RBL1: variants seen among roughly 807,000 people sequenced by gnomAD.
The protein encoded by RBL1 is retinoblastoma-like protein 1.
Under a neutral mutation model 123.0 loss-of-function variants are expected in RBL1, and 82 were observed. The ratio of observed to expected loss-of-function variants is 0.67; its 90% CI spans 0.56 to 0.80. The LOEUF is 0.80. Among genes scored for constraint, RBL1 ranks in the 30% least tolerant of loss-of-function variants. The probability of loss-of-function intolerance (pLI) is 0.00; values close to 1 mark genes in which losing one functional copy is unlikely to be tolerated. For missense variants in RBL1, 1,171 were observed against 1,299.6 expected (o/e 0.90, Z 1.52); for synonymous variants, 405 against 441.3 (o/e 0.92, Z 1.03).
At chr20:37,058,141 A>AAAAAAAAAAAAAAAAAAAAAAAAC (rs2065042134) in intron 9 of RBL1, among the ~76,000 whole-genome samples, 1 of 105,934 alleles carries the variant, frequency 9.4e-6, no homozygotes, top group Admixed American at 8.8e-5. Flanking sequence ...AAAACAAAAC[A>AAAAAAAAAAAAAAAAAAAAAAAAC]AAAAAAAAAA....
At position 37,061,165 on chromosome 20, in the gene RBL1, C is replaced by A. The variant is rs1436725963; in HGVS notation, c.1188G>T (p.Arg396=). ...TCAGACCAGCCACAATACTCTGTAA[C>A]CGGCTCACACTTTGGGTGGCTGATG... ...PVASATQSVS[R]LQSIVAGLKN... Residue 396 remains arginine, a synonymous_variant, in exon 9 of 22, where the codon CGG becomes CGT. Coordinates refer to ENST00000373664, the MANE Select transcript of RBL1 (RefSeq NM_002895.5). 1 of 1,613,688 alleles carries A rather than the reference C, an allele frequency of 6.2e-7. No individual in the cohort carries two copies. Among genetic ancestry groups the A allele is most frequent in the Non-Finnish European group, 8.5e-7 (1 of 1,179,812 alleles).
intron 12 of RBL1, among the ~76,000 whole-genome samples, chr20:37,045,085 T>C (rs6030965): frequency 0.13 from 9,243 of 72,638 alleles, 448 homozygotes; most frequent in African/African-American, 0.34. Flanking sequence ...TATTTACTTA[T>C]TTATTTATTT....
At chr20:37,045,210 G>A (rs547154780) in intron 12 of RBL1, among the ~76,000 whole-genome samples, 132 of 151,986 alleles carry the variant, frequency 8.7e-4, no homozygotes, top group Non-Finnish European at 1.7e-3. Context: ...AGGTTCAAGC[G>A]ATTCTCCTGC....
chr20:37,000,772 G>A (rs2063961044), intron 21 of RBL1, among the ~76,000 whole-genome samples: 1 of 141,390 alleles, frequency 7.1e-6, no homozygotes, highest in South Asian at 2.2e-4. Context: ...AGGGAGGCGG[G>A]GGGGTCAGCC....
intron 12 of RBL1, among the ~76,000 whole-genome samples, chr20:37,046,285 A>T (rs1026398294): frequency 6.6e-6 from 1 of 152,190 alleles, no homozygotes; most frequent in Admixed American, 6.5e-5. Flanking sequence ...TTCATTCATA[A>T]ATATGGAAAA....
rs548826945 is a variant in RBL1 at position 37,012,526 on chromosome 20, G to A, written c.2723-4967C>T. Among the ~76,000 whole-genome samples, 41 of 150,290 alleles carry A rather than the reference G, an allele frequency of 2.7e-4. No homozygotes were observed. In the East Asian group the frequency reaches 7.2e-3, roughly 26 times the overall value. ...CGCCTCTGCCCCGCCGCCCCGTCTGGGATGTGAGGAGCGCCTCTACCCGGC... is the reference window on the plus strand; with the variant it reads ...CGCCTCTGCCCCGCCGCCCCGTCTGAGATGTGAGGAGCGCCTCTACCCGGC... On this transcript the variant is annotated intron_variant, in intron 19 of 21. Coordinates refer to ENST00000373664, the MANE Select transcript of RBL1 (RefSeq NM_002895.5).
intron 17 of RBL1, among the ~76,000 whole-genome samples, chr20:37,021,208 A>G (rs765806606): frequency 6.6e-6 from 1 of 152,186 alleles, no homozygotes; most frequent in Admixed American, 6.5e-5. Flanking sequence ...TAATGCTTAG[A>G]CAGAAGTCAC....
chr20:36,998,431 T>G lies in RBL1; in HGVS notation c.*328A>C. Reference sequence around the variant, plus strand: ...TAGAGATGGGGTTTCTCCATGTTGGTCAGGCTGGTCTCGAACTCCTGACCT... The same window carrying G: ...TAGAGATGGGGTTTCTCCATGTTGGGCAGGCTGGTCTCGAACTCCTGACCT... On this transcript the variant is annotated 3_prime_UTR_variant, in exon 22 of 22. Transcript: ENST00000373664. The G allele has an allele frequency of 5.6e-6, 1 of 178,518 alleles. No individual in the cohort carries two copies. 11.1% of individuals were successfully genotyped at this position (178,518 alleles called of 1,614,324 possible). A position where few individuals can be genotyped will look rare whatever the true frequency, so the allele number is the denominator to read the frequency against.
chr20:37,032,866 A>T lies in RBL1; in HGVS notation c.2181T>A (p.Asn727Lys). Residue 727 changes from asparagine to lysine, a missense_variant, in exon 16 of 22, where the codon AAT (asparagine) becomes AAA (lysine). Asn to Lys is a moderately conservative substitution (Grantham distance 94). Transcript: ENST00000373664. ...GTATCAGTGTGATCTCTCCAGCATCATTTGCGACACCTGAATGTATAAGCA... is the reference window on the plus strand; with the variant it reads ...GTATCAGTGTGATCTCTCCAGCATCTTTTGCGACACCTGAATGTATAAGCA... ...KVTIPLHGVA[N>K]DAGEITLIPL... is the part of the protein sequence containing the mutation. 6.2e-7 allele frequency: 1 copy of T among 1,613,842 alleles called. No individual in the cohort carries two copies. The highest frequency in any genetic ancestry group is 1.1e-5 in the South Asian group (1 of 90,974).
intron 11 of RBL1, chr20:37,049,150 C>T (rs1038210748): frequency 3.2e-5 from 8 of 246,182 alleles, no homozygotes; most frequent in African/African-American, 1.8e-4. Flanking sequence ...TGCAGTGGGC[C>T]GAGGTCATGC....
intron 1 of RBL1, among the ~76,000 whole-genome samples, chr20:37,093,503 G>A (rs1440872606): frequency 1.3e-5 from 2 of 152,088 alleles, no homozygotes; most frequent in African/African-American, 2.4e-5. Context: ...GCTGAGCACC[G>A]TGGTGCATGC....
At chr20:37,000,701 G>A (rs1443814721) in intron 21 of RBL1, among the ~76,000 whole-genome samples, 2 of 121,322 alleles carry the variant, frequency 1.6e-5, no homozygotes, top group African/African-American at 3.2e-5. Context: ...CCGGCCAGCC[G>A]CCCCGTCCGG....
chr20:37,060,294 G>A (rs1252765939), intron 9 of RBL1, among the ~76,000 whole-genome samples: 3 of 151,986 alleles, frequency 2.0e-5, no homozygotes, highest in African/African-American at 7.2e-5. Context: ...TAAAGTTAAT[G>A]TATGTCCTTA....
intron 21 of RBL1, among the ~76,000 whole-genome samples, chr20:37,001,942 A>AAC (rs1491299831): frequency 5.9e-5 from 8 of 135,572 alleles, no homozygotes; most frequent in African/African-American, 2.4e-4. Flanking sequence ...AAAAAAAAAA[A>AAC]CAAACCAAAC....
chr20:36,998,937 G>C lies in RBL1; in HGVS notation c.3037-8C>G. 6.2e-7 allele frequency: 1 copy of C among 1,606,676 alleles called. No homozygotes were observed. Among genetic ancestry groups the C allele is most frequent in the Non-Finnish European group, 8.5e-7 (1 of 1,176,568 alleles). On this transcript the variant is annotated splice_region_variant and splice_polypyrimidine_tract_variant and intron_variant, in intron 21 of 21. Coordinates refer to ENST00000373664, the MANE Select transcript of RBL1 (RefSeq NM_002895.5). Reference sequence around the variant, plus strand: ...GTTGATATCTTTCAAACTCTGTGCAGAAATAGAGAACGTGTGTGAGTAAAA... The same window carrying C: ...GTTGATATCTTTCAAACTCTGTGCACAAATAGAGAACGTGTGTGAGTAAAA...
intron 19 of RBL1, among the ~76,000 whole-genome samples, chr20:37,012,117 G>A (rs1032726454): frequency 2.0e-5 from 3 of 152,226 alleles, no homozygotes; most frequent in South Asian, 2.1e-4. Flanking sequence ...CGCCAGCCTC[G>A]GCCTGCCGAG....
chr20:37,039,582 T>C (rs1185602848), intron 14 of RBL1, among the ~76,000 whole-genome samples: 1 of 152,164 alleles, frequency 6.6e-6, no homozygotes, highest in Admixed American at 6.6e-5. Flanking sequence ...CCTTTGCTCT[T>C]CCCTTTGCCT....
At chr20:37,051,525 A>G (rs1277071779) in intron 11 of RBL1, among the ~76,000 whole-genome samples, 1 of 152,154 alleles carries the variant, frequency 6.6e-6, no homozygotes, top group Non-Finnish European at 1.5e-5. Context: ...CTATCAATCA[A>G]TTATGAGTCT....
intron 11 of RBL1, among the ~76,000 whole-genome samples, chr20:37,049,992 G>A (rs1362728293): frequency 6.6e-6 from 1 of 151,452 alleles, no homozygotes; most frequent in Non-Finnish European, 1.5e-5. Context: ...AACCTGGGAG[G>A]CGGAGGTTGC....
Sources: gnomAD v4.1 joint callset for allele counts (sites outside exome capture counted in the v4.1 genomes callset) on GRCh38, gnomAD v4.1.1 for gene constraint, MANE v1.5 for transcripts, NCBI Gene and HGNC (gene_info 2026-07-23, HGNC 2026-07-21) for gene names.